The following BOC variants were observed in gnomAD, a reference collection of about 807,000 sequenced individuals.
The protein encoded by BOC is BOC cell adhesion associated, oncogene regulated.
A neutral mutation model predicts 112.0 loss-of-function variants in BOC; 76 were observed. That is an observed-to-expected ratio of 0.68 (90% confidence interval 0.56 to 0.82). The LOEUF is 0.82. Among genes scored for constraint, BOC ranks in the 40% least tolerant of loss-of-function variants. BOC has a pLI of 0.00. For missense variants in BOC, 1,309 were observed against 1,511.7 expected (o/e 0.87, Z 2.22); for synonymous variants, 580 against 599.8 (o/e 0.97, Z 0.48).
rs752313669 is a variant in BOC, at chr3:113,278,179, G to A, written c.1627G>A (p.Gly543Arg). 60 of 1,614,206 alleles carry A rather than the reference G, an allele frequency of 3.7e-5. No homozygotes were observed. The highest frequency in any genetic ancestry group is 1.0e-4 in the Admixed American group (6 of 60,030). ...HRLTLTRLDP[G>R]SLYEVEMAAY... is the part of the protein sequence containing the mutation. ...CCTGACCCTCACCAGACTTGACCCCGGGAGCTTGTATGAAGTGGAGATGGC... is the reference window on the plus strand; with the variant it reads ...CCTGACCCTCACCAGACTTGACCCCAGGAGCTTGTATGAAGTGGAGATGGC... The change falls in exon 10 of 20, where the codon GGG becomes AGG. Residue 543 changes from glycine to arginine, a missense_variant. Transcript: ENST00000682979. The surrounding 1 kb of genome is among the most constrained non-coding windows in gnomAD (Gnocchi z 4.2).
At chr3:113,267,306 T>C (rs1947590649) in intron 4 of BOC, among the ~76,000 whole-genome samples, 1 of 152,226 alleles carries the variant, frequency 6.6e-6, no homozygotes, top group South Asian at 2.1e-4. Context: ...CATGAGTGAT[T>C]TGTCTCATAC....
At chr3:113,281,567 G>C (rs1353959449) in intron 15 of BOC, among the ~76,000 whole-genome samples, 1 of 152,224 alleles carries the variant, frequency 6.6e-6, no homozygotes, top group African/African-American at 2.4e-5. Flanking sequence ...TAGGGGTAGA[G>C]CATGCTTTGG....
Position 113,283,622 on chromosome 3 carries a change from G to A in BOC, c.2646G>A (p.Trp882Ter). ...TFIPFCLWRA[W>*]SKQKHTTDLG... ...TCCCCTTCTGCTTGTGGAGGGCCTG[G>A]TCTAAGCAAAGTGAGTGAGTGACGC... Residue 882 changes from tryptophan (W) to a stop codon, truncating the protein, a stop_gained, in exon 16 of 20, where the codon TGG becomes TGA. Coordinates refer to ENST00000682979, the MANE Select transcript of BOC (RefSeq NM_001378074.1). LOFTEE classifies it high-confidence loss of function. The A allele has an allele frequency of 6.2e-7, 1 of 1,613,488 alleles. No individual in the cohort carries two copies. Among genetic ancestry groups the A allele is most frequent in the Admixed American group, 1.7e-5 (1 of 59,988 alleles).
intron 2 of BOC, among the ~76,000 whole-genome samples, chr3:113,244,966 A>G (rs1261490866): frequency 6.6e-6 from 1 of 152,192 alleles, no homozygotes; most frequent in Admixed American, 6.5e-5. Flanking sequence ...GAGTGAGAAG[A>G]CCTGACTTGT....
At position 113,278,850 on chromosome 3, in the gene BOC, T is replaced by A. The variant is rs948984063; in HGVS notation, c.1816+67T>A. ...GAACTGCCTCAGAGGCCTGTTCCCA[T>A]GGCTGAATGGGGTCTTGCTTCTGTA... On this transcript the variant is annotated intron_variant, in intron 11 of 19. Transcript: ENST00000682979. The surrounding 1 kb of genome is among the most constrained non-coding windows in gnomAD (Gnocchi z 4.2). The A allele has an allele frequency of 3.0e-5, 41 of 1,354,326 alleles. No homozygotes were observed. The highest frequency in any genetic ancestry group is 4.0e-5 in the Admixed American group (2 of 49,634). The allele number at this position is 1,354,326 out of a possible 1,614,324, so 83.9% of individuals were successfully genotyped here.
At chr3:113,214,128 A>G (rs1470156947) in intron 1 of BOC, among the ~76,000 whole-genome samples, 1 of 152,216 alleles carries the variant, frequency 6.6e-6, no homozygotes, top group Non-Finnish European at 1.5e-5. Flanking sequence ...CTTTGACTAC[A>G]ACTGGAGAGG....
intron 15 of BOC, 136 bp from the exon 16 acceptor site, chr3:113,283,275 A>C: frequency 2.4e-6 from 2 of 839,188 alleles, no homozygotes; most frequent in Non-Finnish European, 3.8e-6. Context: ...CATTCAAATA[A>C]GAGATTTTGA....
chr3:113,281,004 G>A (rs1559886126), intron 14 of BOC, 27 bp from the exon 15 acceptor site: 7 of 1,612,708 alleles, frequency 4.3e-6, no homozygotes, highest in Non-Finnish European at 5.9e-6. Context: ...ACATTGCCAT[G>A]CACCATTCTC....
At chr3:113,250,112 C>CA (rs56763482) in intron 3 of BOC, among the ~76,000 whole-genome samples, 3 of 151,950 alleles carry the variant, frequency 2.0e-5, no homozygotes, top group African/African-American at 4.8e-5. Flanking sequence ...AAAGCTATAC[C>CA]GGAGGAGGAG....
chr3:113,268,463 C>T lies in BOC; in HGVS notation c.523+18C>T, dbSNP rs1166679023. ...CTCCAGAGGTGAGTGGGCAGGAGCCCAGAGGCCAAGGCTGAGGCCAGAAGG... is the reference window on the plus strand; with the variant it reads ...CTCCAGAGGTGAGTGGGCAGGAGCCTAGAGGCCAAGGCTGAGGCCAGAAGG... On this transcript the variant is annotated intron_variant, in intron 5 of 19. Coordinates refer to ENST00000682979, the MANE Select transcript of BOC (RefSeq NM_001378074.1). 6.2e-7 allele frequency: 1 copy of T among 1,612,304 alleles called. No homozygotes were observed. The highest frequency in any genetic ancestry group is 8.5e-7 in the Non-Finnish European group (1 of 1,179,258).
At chr3:113,235,470 G>A (rs142506859) in intron 2 of BOC, among the ~76,000 whole-genome samples, 103 of 152,244 alleles carry the variant, frequency 6.8e-4, no homozygotes, top group African/African-American at 2.4e-3. Flanking sequence ...TCTCCACAAC[G>A]TCTTGTCTCA....
At chr3:113,276,309 C>A (rs1948667017) in intron 9 of BOC, among the ~76,000 whole-genome samples, 1 of 152,374 alleles carries the variant, frequency 6.6e-6, no homozygotes, top group African/African-American at 2.4e-5. Context: ...CATTCACCCC[C>A]TCAGTGTGTG....
chr3:113,286,000 A>G (rs1949647730), intron 19 of BOC, among the ~76,000 whole-genome samples: 1 of 152,184 alleles, frequency 6.6e-6, no homozygotes, highest in Non-Finnish European at 1.5e-5. Context: ...TTAAGGAGCC[A>G]AATTCTTACA....
At chr3:113,221,902 A>G (rs1271292969) in intron 2 of BOC, among the ~76,000 whole-genome samples, 1 of 151,958 alleles carries the variant, frequency 6.6e-6, no homozygotes, top group African/African-American at 2.4e-5. Context: ...TCCCACAGCC[A>G]TGTTAGCCTC....
intron 2 of BOC, among the ~76,000 whole-genome samples, chr3:113,217,216 C>T (rs1413461027): frequency 1.3e-5 from 2 of 152,146 alleles, no homozygotes; most frequent in African/African-American, 4.8e-5. Context: ...GGAATGGGTC[C>T]GTTAAGAAAG....
Position 113,249,783 on chromosome 3 carries a change from T to G in BOC, c.-20T>G. On this transcript the variant is annotated 5_prime_UTR_variant, in exon 3 of 20. Transcript: ENST00000682979. ...CCTGGCGGCTTATGGGACGTTGGCT[T>G]CAGACCTTTGTGATACACCATGCTG... 6.2e-7 allele frequency: 1 copy of G among 1,601,944 alleles called. No homozygotes were observed. The highest frequency in any genetic ancestry group is 8.5e-7 in the Non-Finnish European group (1 of 1,175,908).
chr3:113,262,535 GCT>G (rs1947007021), intron 4 of BOC, among the ~76,000 whole-genome samples: 1 of 152,142 alleles, frequency 6.6e-6, no homozygotes, highest in Non-Finnish European at 1.5e-5. Flanking sequence ...ATGTGCCAGG[GCT>G]AAAATACTTA....
intron 1 of BOC, among the ~76,000 whole-genome samples, chr3:113,213,377 T>C (rs763075917): frequency 6.6e-6 from 1 of 152,250 alleles, no homozygotes; most frequent in Non-Finnish European, 1.5e-5. Context: ...TGGATGAATG[T>C]CATTTTAAAA....
At chr3:113,279,665 C>G (rs1949004136) in intron 12 of BOC, 159 bp from the exon 13 acceptor site, 1 of 877,134 alleles carries the variant, frequency 1.1e-6, no homozygotes, top group Admixed American at 2.6e-5. Flanking sequence ...CCCTGCAGCT[C>G]AGCTCTGACA....
Sources: allele counts gnomAD v4.1 joint callset (sites outside exome capture counted in the v4.1 genomes callset), GRCh38; gene constraint gnomAD v4.1.1; non-coding constraint Gnocchi (gnomAD v3.1); transcripts MANE v1.5; gene names NCBI Gene and HGNC (gene_info 2026-07-23, HGNC 2026-07-21).